Variants in NTM observed in about 807,000 individuals in gnomAD.
NTM encodes IgLON family member 2.
A neutral mutation model predicts 42.1 loss-of-function variants in NTM; 13 were observed. That is an observed-to-expected ratio of 0.31 (90% CI 0.20 to 0.49). The LOEUF is 0.49. Among genes scored for constraint, NTM ranks in the 20% least tolerant of loss-of-function variants. NTM has a pLI of 0.99. For synonymous variants in NTM, 187 were observed against 179.2 expected, an observed-to-expected ratio of 1.04 and a Z score of -0.35; for missense variants, 373 against 452.8, an observed-to-expected ratio of 0.82 and a Z score of 1.60.
intron 7 of NTM, among the ~76,000 whole-genome samples, chr11:132,329,363 A>G (rs1208666591): frequency 1.3e-5 from 2 of 152,226 alleles, no homozygotes; most frequent in Admixed American, 1.3e-4. Flanking sequence ...GAGACTCCAT[A>G]GGTTGTTCTG....
chr11:131,832,502 T>C (rs1210800651), intron 1 of NTM, among the ~76,000 whole-genome samples: 2 of 152,174 alleles, frequency 1.3e-5, no homozygotes, highest in Admixed American at 1.3e-4. Context: ...TTAATTTTAA[T>C]CCCAATACAG....
chr11:131,922,889 C>T (rs1370172398), intron 2 of NTM, among the ~76,000 whole-genome samples: 2 of 152,292 alleles, frequency 1.3e-5, no homozygotes, highest in African/African-American at 2.4e-5. Context: ...CCACTGCCCA[C>T]GTCGCTGCTG....
chr11:131,749,885 C>T (rs574944525), intron 1 of NTM, among the ~76,000 whole-genome samples: 3 of 152,336 alleles, frequency 2.0e-5, no homozygotes, highest in East Asian at 1.9e-4. Flanking sequence ...CAGGCATCAT[C>T]GTTTTATGTA....
chr11:131,379,528 C>G (rs905573164), intron 1 of NTM, among the ~76,000 whole-genome samples: 1 of 152,316 alleles, frequency 6.6e-6, no homozygotes, highest in East Asian at 1.9e-4. Flanking sequence ...GAATCAACCT[C>G]TGTACAACTC....
chr11:131,793,903 G>A (rs939539962), intron 1 of NTM, among the ~76,000 whole-genome samples: 1 of 152,190 alleles, frequency 6.6e-6, no homozygotes, highest in Admixed American at 6.5e-5. Context: ...AAGGTAGATT[G>A]GAAGGTTCTG....
intron 1 of NTM, among the ~76,000 whole-genome samples, chr11:131,762,819 A>G (rs1299190970): frequency 6.6e-6 from 1 of 152,120 alleles, no homozygotes; most frequent in African/African-American, 2.4e-5. Context: ...AGCTTCCTTG[A>G]AATGTGAATC....
chr11:132,249,278 G>GGT (rs1183385121), intron 4 of NTM, among the ~76,000 whole-genome samples: 2 of 152,066 alleles, frequency 1.3e-5, no homozygotes, highest in Non-Finnish European at 2.9e-5. Flanking sequence ...GTGATGAGAG[G>GGT]GTGTGTGTGT....
At chr11:132,048,433 T>C (rs1307786037) in intron 2 of NTM, among the ~76,000 whole-genome samples, 1 of 152,190 alleles carries the variant, frequency 6.6e-6, no homozygotes, top group Non-Finnish European at 1.5e-5. Context: ...GAGGGGCCAG[T>C]ACTTCCTGGG....
At chr11:131,921,880 A>AC (rs1420985226) in intron 2 of NTM, among the ~76,000 whole-genome samples, 1 of 151,746 alleles carries the variant, frequency 6.6e-6, no homozygotes, top group Non-Finnish European at 1.5e-5. Context: ...GAAGTCACAG[A>AC]CCCCCAACCC....
chr11:131,750,504 C>T (rs1021252573), intron 1 of NTM, among the ~76,000 whole-genome samples: 4 of 152,182 alleles, frequency 2.6e-5, no homozygotes, highest in African/African-American at 4.8e-5. Context: ...CACTTGGTGC[C>T]TCCATCAGAC....
chr11:131,785,305 C>T (rs1398345486), intron 1 of NTM, among the ~76,000 whole-genome samples: 2 of 152,048 alleles, frequency 1.3e-5, no homozygotes, highest in Non-Finnish European at 2.9e-5. Flanking sequence ...AGGCCAGCGT[C>T]GGATCAGAAG....
chr11:131,634,252 G>T (rs1036681391), intron 1 of NTM, among the ~76,000 whole-genome samples: 1 of 152,152 alleles, frequency 6.6e-6, no homozygotes, highest in African/African-American at 2.4e-5. Flanking sequence ...CTTAATCACG[G>T]AGGCATCTAT....
intron 1 of NTM, among the ~76,000 whole-genome samples, chr11:131,501,876 T>A (rs533839787): frequency 1.6e-3 from 219 of 141,288 alleles, no homozygotes; most frequent in African/African-American, 5.6e-3. Flanking sequence ...TATGTGTGTG[T>A]GAGTGTGTGT....
At chr11:132,170,591 G>T (rs2075980502) in intron 3 of NTM, among the ~76,000 whole-genome samples, 1 of 152,164 alleles carries the variant, frequency 6.6e-6, no homozygotes, top group East Asian at 1.9e-4. Flanking sequence ...CTATGTAAAT[G>T]TCTACAAGTT....
intron 1 of NTM, among the ~76,000 whole-genome samples, chr11:131,728,261 A>G (rs896383627): frequency 8.5e-5 from 13 of 152,158 alleles, no homozygotes; most frequent in Admixed American, 4.6e-4. Context: ...CCCACTTCTA[A>G]TGCCCGTGGC....
At chr11:131,380,788 C>T (rs761674972) in intron 1 of NTM, among the ~76,000 whole-genome samples, 32 of 152,148 alleles carry the variant, frequency 2.1e-4, no homozygotes, top group Non-Finnish European at 1.9e-4. Context: ...GTAACTCTGT[C>T]GACTCAAGGT....
chr11:132,198,341 A>T (rs559493163), intron 3 of NTM, among the ~76,000 whole-genome samples: 2 of 152,208 alleles, frequency 1.3e-5, no homozygotes, highest in Admixed American at 6.5e-5. Context: ...GATCTACAGG[A>T]TCATGCCAGC....
intron 2 of NTM, among the ~76,000 whole-genome samples, chr11:131,949,938 T>G (rs1196682474): frequency 6.6e-6 from 1 of 152,210 alleles, no homozygotes; most frequent in Non-Finnish European, 1.5e-5. Flanking sequence ...TTACTAGTAT[T>G]TACTATTTAT....
At chr11:132,207,301 G>A (rs867269160) in intron 3 of NTM, among the ~76,000 whole-genome samples, 3 of 152,044 alleles carry the variant, frequency 2.0e-5, no homozygotes, top group East Asian at 1.9e-4. Flanking sequence ...GTAGGAGCAC[G>A]AACCCTTATT....
Sources: gnomAD v4.1 joint callset for allele counts (sites outside exome capture counted in the v4.1 genomes callset) on GRCh38, gnomAD v4.1.1 for gene constraint, MANE v1.5 for transcripts, NCBI Gene and HGNC (gene_info 2026-07-23, HGNC 2026-07-21) for gene names.